PDE1C: variants seen among roughly 807,000 people sequenced by gnomAD.
PDE1C encodes the protein dual specificity calcium/calmodulin-dependent 3',5'-cyclic nucleotide phosphodiesterase 1C.
Under a neutral mutation model 93.1 loss-of-function variants are expected in PDE1C, and 62 were observed. That is an observed-to-expected ratio of 0.67 (90% CI 0.54 to 0.82). The LOEUF (loss-of-function observed/expected upper bound fraction) is 0.82, where lower values mean the gene tolerates loss of function less well. PDE1C is among the 40% of genes least tolerant of loss of function. The pLI is 0.00. For missense variants in PDE1C, 742 were observed against 884.6 expected (o/e 0.84, Z 2.04); for synonymous variants, 325 against 310.1 (o/e 1.05, Z -0.50).
chr7:31,637,491 T>C, the PDE1C span, among the ~76,000 whole-genome samples: 1 of 152,234 alleles, frequency 6.6e-6, no homozygotes, highest in African/African-American at 2.4e-5. Context: ...TGGCCAGTGA[T>C]GATGAGCATT....
intron 2 of PDE1C, among the ~76,000 whole-genome samples, chr7:32,005,581 A>AAAC (rs1786122683): frequency 6.8e-6 from 1 of 147,924 alleles, no homozygotes; most frequent in African/African-American, 2.5e-5. Context: ...AAAAAAAAAA[A>AAAC]GAATTGTGAT....
intron 3 of PDE1C, among the ~76,000 whole-genome samples, chr7:32,112,846 G>GTATATATATATA (rs1203879712): frequency 5.1e-5 from 3 of 59,160 alleles, no homozygotes; most frequent in Admixed American, 1.8e-4. Flanking sequence ...GTGTGTGTGT[G>GTATATATATATA]TATATATATA....
chr7:31,796,739 A>C (rs1038810098), intron 16 of PDE1C, among the ~76,000 whole-genome samples: 33 of 151,710 alleles, frequency 2.2e-4, no homozygotes, highest in East Asian at 1.9e-4. Context: ...TATAAAAAAA[A>C]CCAATTACGT....
chr7:31,643,998 G>A, the PDE1C span: 1 of 1,499,880 alleles, frequency 6.7e-7, no homozygotes. Context: ...ATGCACCCGT[G>A]ATAAACACCT....
intron 1 of PDE1C, among the ~76,000 whole-genome samples, chr7:32,271,027 A>G (rs1442659918): frequency 1.3e-5 from 2 of 152,060 alleles, no homozygotes; most frequent in Non-Finnish European, 2.9e-5. Flanking sequence ...AATCCCAGCT[A>G]CTCAGGAGGC....
At chr7:31,777,819 A>T (rs1299858596) in intron 16 of PDE1C, among the ~76,000 whole-genome samples, 1 of 152,198 alleles carries the variant, frequency 6.6e-6, no homozygotes, top group Non-Finnish European at 1.5e-5. Flanking sequence ...GTATGAAGTG[A>T]AGGGAACTGT....
At chr7:32,232,320 G>T (rs1433180377) in intron 1 of PDE1C, among the ~76,000 whole-genome samples, 6 of 152,132 alleles carry the variant, frequency 3.9e-5, no homozygotes, top group Admixed American at 3.9e-4. Context: ...TCTAATAGGG[G>T]AAATCTCCTA....
chr7:32,334,806 G>A (rs1450942308), intron 1 of PDE1C, among the ~76,000 whole-genome samples: 1 of 152,086 alleles, frequency 6.6e-6, no homozygotes, highest in East Asian at 1.9e-4. Flanking sequence ...AATTTTGGGA[G>A]GACAGCCATT....
At chr7:32,318,477 A>C (rs551989776) in intron 1 of PDE1C, among the ~76,000 whole-genome samples, 137 of 152,294 alleles carry the variant, frequency 9.0e-4, no homozygotes, top group Non-Finnish European at 1.6e-3. Flanking sequence ...AGCTGTGCTT[A>C]CAGCCTGCAC....
chr7:31,786,199 A>G (rs939582294), intron 16 of PDE1C: 3 of 151,892 alleles, frequency 2.0e-5, no homozygotes, highest in African/African-American at 7.3e-5. Context: ...TCGGATTCTC[A>G]GTAAATCCAC....
At chr7:31,894,588 C>T (rs1214744516) in intron 2 of PDE1C, among the ~76,000 whole-genome samples, 1 of 152,202 alleles carries the variant, frequency 6.6e-6, no homozygotes, top group Non-Finnish European at 1.5e-5. Context: ...CAGATTCCTT[C>T]TTTCTCTCTC....
At chr7:32,333,015 G>T (rs1783544819) in intron 1 of PDE1C, among the ~76,000 whole-genome samples, 1 of 152,100 alleles carries the variant, frequency 6.6e-6, no homozygotes, top group Non-Finnish European at 1.5e-5. Flanking sequence ...CGATTTGTCT[G>T]CATTTATGTA....
In PDE1C at chr7:32,078,030, G is replaced by A. The variant is rs1325141297; in HGVS notation, c.308+91755C>T. ...CCTCTCAGAATACACTGCCAACCCA[G>A]TATAATTAACTTGGCTGTACTAATG... On this transcript the variant is annotated intron_variant, in intron 3 of 18. Transcript: ENST00000396193. The A allele has an allele frequency of 1.1e-5, 11 of 985,112 alleles. No individual in the cohort carries two copies. The South Asian group carries it at 3.8e-4, about 34-fold the overall frequency. 61.0% of individuals were successfully genotyped at this position (985,112 alleles called of 1,614,324 possible).
chr7:31,805,569 G>GTCAC (rs1260483323), intron 16 of PDE1C, among the ~76,000 whole-genome samples: 13 of 151,124 alleles, frequency 8.6e-5, no homozygotes, highest in Non-Finnish European at 1.5e-4. Flanking sequence ...ATGTGCCTAT[G>GTCAC]TCACTCCTCT....
chr7:32,022,117 A>G (rs964877343), intron 2 of PDE1C, among the ~76,000 whole-genome samples: 1 of 151,956 alleles, frequency 6.6e-6, no homozygotes, highest in Non-Finnish European at 1.5e-5. Context: ...GTAGGTGTTC[A>G]GCATATATTT....
chr7:31,636,860 T>C, the PDE1C span, among the ~76,000 whole-genome samples: 1 of 147,616 alleles, frequency 6.8e-6, no homozygotes, highest in African/African-American at 2.5e-5. Context: ...ATATATCTCC[T>C]AATGCTATCC....
chr7:31,826,347 G>A (rs148910961), intron 12 of PDE1C, among the ~76,000 whole-genome samples: 161 of 152,244 alleles, frequency 1.1e-3, no homozygotes, highest in African/African-American at 3.5e-3. Flanking sequence ...CAATAGTATC[G>A]TGATTGATAA....
At chr7:32,361,225 T>A (rs73092193) in intron 1 of PDE1C, among the ~76,000 whole-genome samples, 3 of 152,094 alleles carry the variant, frequency 2.0e-5, no homozygotes, top group Non-Finnish European at 4.4e-5. Context: ...TCCAGCTGAG[T>A]TCTGCCTCCA....
intron 2 of PDE1C, among the ~76,000 whole-genome samples, chr7:31,946,336 A>T (rs569646312): frequency 6.6e-6 from 1 of 152,248 alleles, no homozygotes; most frequent in African/African-American, 2.4e-5. Flanking sequence ...GCTCTGTGCC[A>T]AAGGGTGGAA....
Sources: allele counts gnomAD v4.1 joint callset (sites outside exome capture counted in the v4.1 genomes callset), GRCh38; gene constraint gnomAD v4.1.1; transcripts MANE v1.5; gene names NCBI Gene and HGNC (gene_info 2026-07-23, HGNC 2026-07-21).